The following MPPED1 variants were observed in gnomAD, a reference collection of about 807,000 sequenced individuals.
MPPED1 encodes the protein metallophosphoesterase domain containing 1.
Under a neutral mutation model 36.2 loss-of-function variants are expected in MPPED1, and 16 were observed. The ratio of observed to expected loss-of-function variants is 0.44; its 90% CI spans 0.30 to 0.67. MPPED1 has a LOEUF of 0.67. MPPED1 is among the 30% of genes least tolerant of loss of function. The pLI, the probability that MPPED1 is intolerant of heterozygous loss-of-function variation, is 0.10. For missense variants in MPPED1, 307 were observed against 453.4 expected (o/e 0.68, Z 2.93); for synonymous variants, 199 against 191.3 (o/e 1.04, Z -0.33).
At chr22:43,470,114 CCATCCATCCATCCATCCATT>C (rs1931320417) in intron 3 of MPPED1, among the ~76,000 whole-genome samples, 1 of 93,384 alleles carries the variant, frequency 1.1e-5, no homozygotes, top group South Asian at 3.3e-4. Flanking sequence ...AATCATCCAT[CCATCCATCCATCCATCCATT>C]CATCCATCTA....
chr22:43,413,496 C>T (rs1164910801), intron 1 of MPPED1, among the ~76,000 whole-genome samples: 1 of 152,180 alleles, frequency 6.6e-6, no homozygotes, highest in African/African-American at 2.4e-5. Flanking sequence ...GTACAGGAGC[C>T]AGGGCTCTAA....
intron 1 of MPPED1, among the ~76,000 whole-genome samples, chr22:43,421,303 C>T (rs1929266087): frequency 6.6e-6 from 1 of 152,242 alleles, no homozygotes; most frequent in African/African-American, 2.4e-5. Flanking sequence ...GAAGCCGTTG[C>T]GTTTCCAGTT....
At chr22:43,414,427 A>C (rs1929007884) in intron 1 of MPPED1, among the ~76,000 whole-genome samples, 1 of 152,016 alleles carries the variant, frequency 6.6e-6, no homozygotes, top group South Asian at 2.1e-4. Flanking sequence ...GCGGGTCTGG[A>C]CTTCTGGAAA....
intron 4 of MPPED1, among the ~76,000 whole-genome samples, chr22:43,489,472 GTGT>G (rs1235347910): frequency 6.6e-6 from 1 of 151,886 alleles, no homozygotes; most frequent in Non-Finnish European, 1.5e-5. Context: ...GTCCTGGGAA[GTGT>G]CTCTTCTGGA....
rs553857052 is a variant in MPPED1, at chr22:43,424,804, T to C, written c.-78-104T>C. The C allele has an allele frequency of 3.9e-3, 5,471 of 1,401,456 alleles. 34 individuals carry two copies. Among genetic ancestry groups the C allele is most frequent in the Non-Finnish European group, 4.2e-3 (4,494 of 1,070,560 alleles). 86.8% of individuals were successfully genotyped at this position (1,401,456 alleles called of 1,614,324 possible). On this transcript the variant is annotated intron_variant, in intron 1 of 6. Transcript: ENST00000443721. ...TGAGCTGTACGACTGTGTTTTTTTTTCCTCTCCCCCCGCCCTCTCCCTCTT... is the reference window on the plus strand; with the variant it reads ...TGAGCTGTACGACTGTGTTTTTTTTCCCTCTCCCCCCGCCCTCTCCCTCTT...
chr22:43,448,030 C>G (rs1417028711), intron 3 of MPPED1, among the ~76,000 whole-genome samples: 1 of 151,404 alleles, frequency 6.6e-6, no homozygotes, highest in African/African-American at 2.4e-5. Flanking sequence ...AGGCACCCAC[C>G]ACCACGCCTG....
intron 3 of MPPED1, among the ~76,000 whole-genome samples, chr22:43,438,656 T>C (rs902390934): frequency 3.3e-5 from 5 of 152,038 alleles, no homozygotes; most frequent in African/African-American, 4.8e-5. Flanking sequence ...CCTTCTTCTT[T>C]AGGATTGTCT....
In MPPED1 at chr22:43,425,701, G is replaced by A. The variant is rs74655684; in HGVS notation, c.224+492G>A. ...GGGGCTCGCCACAAGCCCCATGGCA[G>A]GTTAGGACACCAGTCTTGGGCTCTT... On this transcript the variant is annotated intron_variant, in intron 2 of 6. Transcript: ENST00000443721. Among the ~76,000 whole-genome samples, 1,499 of 152,364 alleles carry A rather than the reference G, an allele frequency of 9.8e-3. 25 individuals carry two copies. Among genetic ancestry groups the A allele is most frequent in the African/African-American group, 0.034 (1,423 of 41,584 alleles).
chr22:43,478,889 C>T (rs1281182268), intron 4 of MPPED1, among the ~76,000 whole-genome samples: 2 of 152,092 alleles, frequency 1.3e-5, no homozygotes, highest in Admixed American at 1.3e-4. Context: ...ATCTAGGGAG[C>T]GTGCGACACT....
intron 5 of MPPED1, among the ~76,000 whole-genome samples, chr22:43,500,214 G>C (rs1447919624): frequency 1.0e-5 from 1 of 97,420 alleles, no homozygotes; most frequent in Non-Finnish European, 2.0e-5. Context: ...GGAGGTGGTG[G>C]GGGTGATGGT....
At chr22:43,467,191 C>T (rs1349284429) in intron 3 of MPPED1, among the ~76,000 whole-genome samples, 6 of 152,166 alleles carry the variant, frequency 3.9e-5, no homozygotes, top group Admixed American at 6.5e-5. Flanking sequence ...CAGGCTACGC[C>T]CCCTGCACCC....
chr22:43,415,469 G>A (rs922314403), intron 1 of MPPED1, among the ~76,000 whole-genome samples: 23 of 151,282 alleles, frequency 1.5e-4, no homozygotes, highest in African/African-American at 5.6e-4. Context: ...TAAAATATCT[G>A]TGACCAATGA....
intron 2 of MPPED1, among the ~76,000 whole-genome samples, 169 bp downstream of exon 2, chr22:43,425,378 C>G (rs938609380): frequency 6.6e-6 from 1 of 152,226 alleles, no homozygotes; most frequent in African/African-American, 2.4e-5. Context: ...TGGGAGGGAC[C>G]GGCAAGAAGT....
At chr22:43,487,777 G>A (rs1268153746) in intron 4 of MPPED1, among the ~76,000 whole-genome samples, 1 of 152,134 alleles carries the variant, frequency 6.6e-6, no homozygotes, top group Non-Finnish European at 1.5e-5. Context: ...CGGACACACT[G>A]CTTGACTTCT....
intron 2 of MPPED1, among the ~76,000 whole-genome samples, chr22:43,426,904 G>A (rs537593039): frequency 6.2e-4 from 94 of 152,358 alleles, no homozygotes; most frequent in Admixed American, 1.3e-3. Context: ...GGAAGGCCCC[G>A]GGCCTCAGGC....
chr22:43,483,738 G>A (rs1336331174), intron 4 of MPPED1, among the ~76,000 whole-genome samples: 1 of 152,256 alleles, frequency 6.6e-6, no homozygotes, highest in Non-Finnish European at 1.5e-5. Context: ...GGATTGGGGT[G>A]TGGCTGGCTT....
intron 4 of MPPED1, among the ~76,000 whole-genome samples, chr22:43,484,946 T>C (rs749186442): frequency 6.6e-6 from 1 of 152,192 alleles, no homozygotes; most frequent in Non-Finnish European, 1.5e-5. Flanking sequence ...CAGCATCAGT[T>C]ACATTCTGAT....
At chr22:43,423,517 T>A (rs1929351242) in intron 1 of MPPED1, among the ~76,000 whole-genome samples, 2 of 152,124 alleles carry the variant, frequency 1.3e-5, no homozygotes, top group Admixed American at 1.3e-4. Context: ...GAGGGATATG[T>A]TTTGGGAATC....
intron 3 of MPPED1, among the ~76,000 whole-genome samples, chr22:43,435,822 A>G (rs887529216): frequency 3.9e-5 from 6 of 152,170 alleles, no homozygotes; most frequent in Admixed American, 2.6e-4. Flanking sequence ...ACTCCACTGC[A>G]CTCCAGCCTG....
Sources: allele counts gnomAD v4.1 joint callset (sites outside exome capture counted in the v4.1 genomes callset), GRCh38; gene constraint gnomAD v4.1.1; transcripts MANE v1.5; gene names NCBI Gene and HGNC (gene_info 2026-07-23, HGNC 2026-07-21).